The following MSH3 variants were observed in gnomAD, a reference collection of about 807,000 sequenced individuals.
The protein encoded by MSH3 is DNA mismatch repair protein Msh3.
MSH3 carries 106 observed loss-of-function variants against 123.3 expected under a neutral mutation model. The observed-to-expected ratio is 0.86, with a 90% CI of 0.73 to 1.01. The LOEUF (loss-of-function observed/expected upper bound fraction) is 1.01. MSH3 is among the 50% of genes least tolerant of loss of function. MSH3 has a pLI of 0.00. For synonymous variants in MSH3, 515 were observed against 481.4 expected (o/e 1.07, Z -0.91); for missense variants, 1,459 against 1,347.6 (o/e 1.08, Z -1.29).
intron 20 of MSH3, among the ~76,000 whole-genome samples, chr5:80,850,242 G>A (rs1745806466): frequency 6.6e-6 from 1 of 152,138 alleles, no homozygotes; most frequent in Admixed American, 6.6e-5. Context: ...CAACATGTCT[G>A]TAGGAAGTTC....
rs2112808933 is a variant in MSH3, at chr5:80,665,315, A to G, written c.531A>G (p.Ala177=). ...TTGATGATATCAGTCTTCTACACGC[A>G]AAGAATGCAGTTTCTTCTGAAGATT... The part of the protein sequence containing the change: ...TDFDDISLLH[A]KNAVSSEDSK... Residue 177 remains alanine (A), a synonymous_variant, in exon 3 of 24, where the codon GCA becomes GCG. Coordinates refer to ENST00000265081, the MANE Select transcript of MSH3 (RefSeq NM_002439.5). 6.2e-7 allele frequency: 1 copy of G among 1,613,560 alleles called. No individual in the cohort carries two copies. The highest frequency in any genetic ancestry group is 8.5e-7 in the Non-Finnish European group (1 of 1,179,996).
In MSH3 at chr5:80,730,894, A is replaced by ATATAT. The variant is rs1554070428; in HGVS notation, c.1568+1930_1568+1931insATATT. On this transcript the variant is annotated intron_variant, in intron 10 of 23. Coordinates refer to ENST00000265081, the MANE Select transcript of MSH3 (RefSeq NM_002439.5). Reference sequence around the variant, plus strand: ...GTCCTCCTCATATATATATATATATATTTTTTTTTTTTTCTTTTTTTTTTT... The same window carrying ATATAT: ...GTCCTCCTCATATATATATATATATATATATTTTTTTTTTTTTTCTTTTTTTTTTT... Among the ~76,000 whole-genome samples, 122 of 127,746 alleles carry ATATAT rather than the reference A, an allele frequency of 9.6e-4. 1 individual carries two copies. The highest frequency in any genetic ancestry group is 4.4e-3 in the East Asian group (20 of 4,520). The allele number at this position is 127,746 out of a possible 152,430, so 83.8% of individuals were successfully genotyped here.
At chr5:80,849,569 C>T (rs1745793434) in intron 20 of MSH3, among the ~76,000 whole-genome samples, 1 of 152,166 alleles carries the variant, frequency 6.6e-6, no homozygotes, top group African/African-American at 2.4e-5. Context: ...AGGCTCAATA[C>T]CACATGGAAG....
intron 8 of MSH3, 37 bp downstream of exon 8, chr5:80,679,130 T>A (rs1749910363): frequency 6.2e-7 from 1 of 1,605,206 alleles, no homozygotes; most frequent in Non-Finnish European, 8.5e-7. Context: ...ATACCGATTC[T>A]GAAACTTAGG....
chr5:80,794,800 G>A (rs566116908), intron 19 of MSH3, among the ~76,000 whole-genome samples: 17 of 152,274 alleles, frequency 1.1e-4, no homozygotes, highest in African/African-American at 3.9e-4. Flanking sequence ...GAGAAATGGC[G>A]ATTGGGAATC....
At chr5:80,814,972 A>G (rs1211418546) in intron 20 of MSH3, among the ~76,000 whole-genome samples, 1 of 152,228 alleles carries the variant, frequency 6.6e-6, no homozygotes, top group Non-Finnish European at 1.5e-5. Context: ...TTACATGTAC[A>G]TTTCTAAAAA....
chr5:80,760,165 CT>C, intron 12 of MSH3, among the ~76,000 whole-genome samples: 1 of 152,312 alleles, frequency 6.6e-6, no homozygotes, highest in Non-Finnish European at 1.5e-5. Flanking sequence ...CTGATGCCTC[CT>C]TTCCCCCAAA....
At chr5:80,799,313 C>T (rs998386584) in intron 19 of MSH3, among the ~76,000 whole-genome samples, 4 of 152,004 alleles carry the variant, frequency 2.6e-5, no homozygotes, top group Non-Finnish European at 5.9e-5. Flanking sequence ...GCTGAGAGCT[C>T]GTCTGGAGGA....
intron 20 of MSH3, among the ~76,000 whole-genome samples, chr5:80,820,934 G>T (rs928370263): frequency 1.1e-4 from 16 of 152,174 alleles, no homozygotes; most frequent in Admixed American, 2.6e-4. Context: ...GCTCAGTCTG[G>T]ACTCTGGTCC....
chr5:80,675,248 A>G, intron 7 of MSH3, 120 bp downstream of exon 7: 3 of 1,152,214 alleles, frequency 2.6e-6, no homozygotes, highest in Non-Finnish European at 2.5e-6. Flanking sequence ...TAATTATACA[A>G]GAAAAACATT....
At chr5:80,660,024 G>C (rs892310437) in intron 2 of MSH3, among the ~76,000 whole-genome samples, 4 of 139,972 alleles carry the variant, frequency 2.9e-5, no homozygotes, top group African/African-American at 1.1e-4. Flanking sequence ...AGTTAAGTAC[G>C]TATTTTTGAA....
At position 80,670,202 on chromosome 5, in the gene MSH3, T is replaced by C. The variant is rs1393414448; in HGVS notation, c.685T>C (p.Tyr229His). The C allele has an allele frequency of 6.2e-7, 1 of 1,614,146 alleles. No individual in the cohort carries two copies. Among genetic ancestry groups the C allele is most frequent in the South Asian group, 1.1e-5 (1 of 91,088 alleles). ...KSANKRSKSIYTPLELQYIEM... is the reference protein window; with the variant it reads ...KSANKRSKSIHTPLELQYIEM... Reference sequence around the variant, plus strand: ...AGCTAACAAACGGTCCAAAAGCATCTATACGCCGCTAGAATTACAATACAT... The same window carrying C: ...AGCTAACAAACGGTCCAAAAGCATCCATACGCCGCTAGAATTACAATACAT... The change falls in exon 4 of 24, where the codon TAT (tyrosine) becomes CAT (histidine). Residue 229 changes from tyrosine (Y) to histidine (H), a missense_variant. Physicochemically the swap from Tyr to His is moderately conservative, Grantham distance 83. Transcript: ENST00000265081.
At chr5:80,851,531 A>G (rs1370196512) in intron 20 of MSH3, among the ~76,000 whole-genome samples, 1 of 151,842 alleles carries the variant, frequency 6.6e-6, no homozygotes, top group Non-Finnish European at 1.5e-5. Context: ...GTCAGACTTT[A>G]TTTTGGGAAT....
chr5:80,830,284 T>C (rs1745395148), intron 20 of MSH3, among the ~76,000 whole-genome samples: 1 of 152,232 alleles, frequency 6.6e-6, no homozygotes, highest in African/African-American at 2.4e-5. Context: ...TTTAATTTAC[T>C]TTCCTGTTTC....
chr5:80,768,744 GCTTTCCTCTTTTAT>G, intron 14 of MSH3, 77 bp from the exon 15 acceptor site: 1 of 1,164,168 alleles, frequency 8.6e-7, no homozygotes, highest in Admixed American at 2.0e-5. Context: ...GACTTCCAGT[GCTTTCCTCTTTTAT>G]CACACTATGA....
At chr5:80,843,999 G>A (rs1003455383) in intron 20 of MSH3, among the ~76,000 whole-genome samples, 3 of 151,428 alleles carry the variant, frequency 2.0e-5, no homozygotes, top group Non-Finnish European at 2.9e-5. Context: ...TTAAGGTGTC[G>A]ATTTTAGATC....
chr5:80,775,787 A>G, intron 16 of MSH3, 29 bp downstream of exon 16: 1 of 1,272,672 alleles, frequency 7.9e-7, no homozygotes, highest in Non-Finnish European at 1.1e-6. Flanking sequence ...TTTTTCTTAC[A>G]ATGCATTATG....
intron 15 of MSH3, among the ~76,000 whole-genome samples, chr5:80,771,252 G>A (rs1409737926): frequency 6.6e-6 from 1 of 152,134 alleles, no homozygotes; most frequent in African/African-American, 2.4e-5. Context: ...GGGAAGCCAA[G>A]GCAGGAGGAT....
At chr5:80,668,303 C>CT (rs1365760370) in intron 3 of MSH3, among the ~76,000 whole-genome samples, 1 of 152,198 alleles carries the variant, frequency 6.6e-6, no homozygotes, top group Admixed American at 6.5e-5. Context: ...GTTCGTCAGC[C>CT]TGGCCCCCAG....
Sources: gnomAD v4.1 joint callset for allele counts (sites outside exome capture counted in the v4.1 genomes callset) on GRCh38, gnomAD v4.1.1 for gene constraint, MANE v1.5 for transcripts, NCBI Gene and HGNC (gene_info 2026-07-23, HGNC 2026-07-21) for gene names.